The following GAB1 variants were observed in gnomAD, a reference collection of about 807,000 sequenced individuals.
GAB1 encodes the protein GRB2 associated binding protein 1, also known as GRB2-associated-binding protein 1.
Under a neutral mutation model 66.5 loss-of-function variants are expected in GAB1, and 19 were observed. The observed-to-expected ratio is 0.29, with a 90% CI of 0.20 to 0.42. GAB1 has a LOEUF of 0.42. Ranked by LOEUF, GAB1 falls within the 10% of genes least tolerant of loss-of-function variation. The pLI is 1.00. For missense variants in GAB1, 732 were observed against 858.5 expected (o/e 0.85, Z 1.84); for synonymous variants, 294 against 301.4 (o/e 0.98, Z 0.25).
intron 3 of GAB1, among the ~76,000 whole-genome samples, chr4:143,437,237 G>A (rs1733985444): frequency 6.6e-6 from 1 of 152,164 alleles, no homozygotes; most frequent in East Asian, 1.9e-4. Context: ...ATCTTGTTTA[G>A]CATTAAGGAA....
chr4:143,454,673 A>T (rs879085271), intron 6 of GAB1, among the ~76,000 whole-genome samples: 2 of 152,106 alleles, frequency 1.3e-5, no homozygotes, highest in Non-Finnish European at 2.9e-5. Context: ...TGGAAATGTT[A>T]ATTCTTGGAT....
intron 6 of GAB1, among the ~76,000 whole-genome samples, chr4:143,442,061 A>G (rs1734275235): frequency 1.4e-5 from 2 of 147,440 alleles, no homozygotes; most frequent in African/African-American, 2.7e-5. Context: ...CTTTGTCTCT[A>G]AATCTATTTT....
chr4:143,337,270 G>GCTGCGGGCACCACT lies in GAB1; in HGVS notation c.72+12_72+25dup. 3 of 1,570,036 alleles carry GCTGCGGGCACCACT rather than the reference G, an allele frequency of 1.9e-6. No individual in the cohort carries two copies. Among genetic ancestry groups the GCTGCGGGCACCACT allele is most frequent in the Non-Finnish European group, 2.6e-6 (3 of 1,156,488 alleles). The stretch of plus-strand genomic sequence containing the variant: ...AAAGTTGAAGCGTTATGTAAGTAGA[G>GCTGCGGGCACCACT]CTGCGGGCACCACTCCGCGGGCCTC... On this transcript the variant is annotated intron_variant, in intron 1 of 9. Coordinates refer to ENST00000262994, the MANE Select transcript of GAB1 (RefSeq NM_002039.4).
intron 1 of GAB1, among the ~76,000 whole-genome samples, chr4:143,399,352 CAA>C (rs1731629597): frequency 6.6e-6 from 1 of 152,170 alleles, no homozygotes; most frequent in Non-Finnish European, 1.5e-5. Flanking sequence ...TAAGTTGAAA[CAA>C]AAGTTTTGGC....
intron 3 of GAB1, among the ~76,000 whole-genome samples, chr4:143,435,818 G>A (rs553552628): frequency 1.3e-4 from 20 of 152,182 alleles, no homozygotes; most frequent in Admixed American, 3.3e-4. Context: ...ACTCTTGTTT[G>A]TTCTGCAAGA....
chr4:143,472,920 T>A lies in GAB1; in HGVS notation c.*3731T>A, dbSNP rs553270392. ...TATGAGAAGCCATGGTATAAATGAA[T>A]ATTGTGGACATCATGGACTTGATAT... is the stretch of plus-strand genomic sequence containing the variant. On this transcript the variant is annotated 3_prime_UTR_variant, in exon 10 of 10. Transcript: ENST00000262994. The A allele has an allele frequency of 5.9e-5, 9 of 152,342 alleles. No individual in the cohort carries two copies. In the East Asian group the frequency reaches 1.7e-3, roughly 29 times the overall value. 9.4% of individuals were successfully genotyped at this position (152,342 alleles called of 1,614,324 possible).
At chr4:143,415,868 A>G in intron 2 of GAB1, 97 bp downstream of exon 2, 1 of 960,160 alleles carries the variant, frequency 1.0e-6, no homozygotes, top group Non-Finnish European at 1.5e-6. Context: ...TACACAATAT[A>G]ATGTTTTATT....
At chr4:143,438,707 C>T in intron 4 of GAB1, 107 bp downstream of exon 4, 1 of 1,215,126 alleles carries the variant, frequency 8.2e-7, no homozygotes, top group Non-Finnish European at 1.1e-6. Context: ...CTACAAAATA[C>T]AGTCCATTTT....
At chr4:143,359,615 T>C (rs1278002963) in intron 1 of GAB1, among the ~76,000 whole-genome samples, 1 of 152,254 alleles carries the variant, frequency 6.6e-6, no homozygotes, top group Non-Finnish European at 1.5e-5. Flanking sequence ...GTGAGTGCTC[T>C]AAGCTCTCTG....
At chr4:143,466,370 C>A in intron 9 of GAB1, 145 bp downstream of exon 9, 5 of 588,060 alleles carry the variant, frequency 8.5e-6, no homozygotes, top group Non-Finnish European at 1.0e-5. Context: ...TCTCATAAAA[C>A]AAAAATAACA....
At chr4:143,369,643 G>T (rs1346552339) in intron 1 of GAB1, among the ~76,000 whole-genome samples, 1 of 152,128 alleles carries the variant, frequency 6.6e-6, no homozygotes, top group Non-Finnish European at 1.5e-5. Context: ...AACTGCTGTT[G>T]GTGCCCCAGA....
intron 2 of GAB1, among the ~76,000 whole-genome samples, chr4:143,416,387 G>A (rs1039019544): frequency 6.6e-6 from 1 of 152,116 alleles, no homozygotes; most frequent in South Asian, 2.1e-4. Flanking sequence ...CAGCCTTGGC[G>A]ACAGAGCGAG....
intron 1 of GAB1, among the ~76,000 whole-genome samples, chr4:143,358,013 TA>T (rs994541286): frequency 6.6e-6 from 1 of 152,058 alleles, no homozygotes; most frequent in Non-Finnish European, 1.5e-5. Context: ...TATAAATTGC[TA>T]TTTTAAAAAA....
intron 6 of GAB1, among the ~76,000 whole-genome samples, chr4:143,444,593 T>A (rs1734413187): frequency 1.3e-5 from 2 of 152,324 alleles, no homozygotes; most frequent in South Asian, 4.1e-4. Flanking sequence ...ATGCACTTTT[T>A]AAAATTTTTA....
intron 1 of GAB1, among the ~76,000 whole-genome samples, chr4:143,414,900 C>T (rs1732597160): frequency 6.6e-6 from 1 of 152,112 alleles, no homozygotes; most frequent in African/African-American, 2.4e-5. Context: ...CAACCATGGC[C>T]ACCATCATCT....
At chr4:143,369,481 A>G (rs896152154) in intron 1 of GAB1, among the ~76,000 whole-genome samples, 1 of 152,212 alleles carries the variant, frequency 6.6e-6, no homozygotes, top group Non-Finnish European at 1.5e-5. Flanking sequence ...TTTATAAGAA[A>G]AAATCAATGC....
intron 1 of GAB1, among the ~76,000 whole-genome samples, chr4:143,362,626 C>T (rs1729711849): frequency 6.6e-6 from 1 of 152,146 alleles, no homozygotes; most frequent in African/African-American, 2.4e-5. Flanking sequence ...TGTCATGGCG[C>T]TGATGGGAGT....
intron 3 of GAB1, among the ~76,000 whole-genome samples, chr4:143,435,958 A>G (rs1287526212): frequency 6.6e-6 from 1 of 152,186 alleles, no homozygotes; most frequent in East Asian, 1.9e-4. Flanking sequence ...GTTAGAAACG[A>G]TGTTTTTACT....
intron 2 of GAB1, chr4:143,425,298 C>T (rs1733279275): frequency 1.2e-6 from 1 of 861,542 alleles, no homozygotes; most frequent in African/African-American, 1.6e-5. Context: ...GAATACTGGC[C>T]AGAGAGCCAT....
Sources: allele counts gnomAD v4.1 joint callset (sites outside exome capture counted in the v4.1 genomes callset), GRCh38; gene constraint gnomAD v4.1.1; transcripts MANE v1.5; gene names NCBI Gene and HGNC (gene_info 2026-07-23, HGNC 2026-07-21).